The following GPKOW variants were observed in gnomAD, a reference collection of about 807,000 sequenced individuals.
The protein encoded by GPKOW is G-patch domain and KOW motifs, also known as G-patch domain and KOW motifs-containing protein.
For missense variants in GPKOW, 359 were observed against 404.7 expected, an observed-to-expected ratio of 0.89 and a Z score of 0.97; for synonymous variants, 167 against 159.1, an observed-to-expected ratio of 1.05 and a Z score of -0.37.
chrX:49,120,759 GT>G (rs1240643645), intron 3 of GPKOW, among the ~76,000 whole-genome samples: 2 of 110,023 alleles, frequency 1.8e-5, no homozygotes, highest in Non-Finnish European at 3.8e-5. Flanking sequence ...AGTCTCCTGG[GT>G]TCAAGCGATT....
In GPKOW at chrX:49,123,618, C is replaced by T; in HGVS notation, c.105G>A (p.Ser35=). 4 of 1,209,303 alleles carry T rather than the reference C, an allele frequency of 3.3e-6. No individual in the cohort carries two copies. The highest frequency in any genetic ancestry group is 4.5e-6 in the Non-Finnish European group (4 of 894,175). The change falls in exon 1 of 11, where the codon TCG becomes TCA. Residue 35 remains serine, a synonymous_variant. Transcript: ENST00000156109. ...RTSARRRLAD[S]GDGAGPSPEE... ...CCGGAGATGGCCCCGCGCCGTCTCC[C>T]GAGTCGGCCAGCCGCCTCCGTGCGG...
At chrX:49,122,581 CTTCTTCCTT>C (rs782436138) in intron 2 of GPKOW, 32 bp downstream of exon 2, 23 of 1,206,077 alleles carry the variant, frequency 1.9e-5, no homozygotes, top group Non-Finnish European at 2.5e-5. Context: ...CCTTCTTCCT[CTTCTTCCTT>C]CAATGGGGAA....
In GPKOW at chrX:49,123,624, G is replaced by T; in HGVS notation, c.99C>A (p.Ala33=). ...FTRTSARRRL[A]DSGDGAGPSP... is the part of the protein sequence containing the mutation. ...ATGGCCCCGCGCCGTCTCCCGAGTC[G>T]GCCAGCCGCCTCCGTGCGGACGTGC... The change falls in exon 1 of 11, where the codon GCC becomes GCA. Residue 33 remains alanine, a synonymous_variant. Coordinates refer to ENST00000156109, the MANE Select transcript of GPKOW (RefSeq NM_015698.6). 8.3e-7 allele frequency: 1 copy of T among 1,209,379 alleles called. No individual in the cohort carries two copies. The highest frequency in any genetic ancestry group is 1.1e-6 in the Non-Finnish European group (1 of 894,254).
At position 49,117,747 on chromosome X, in the gene GPKOW, G is replaced by C; in HGVS notation, c.630C>G (p.Thr210=). ...CAGTGGGGGTCAAGGCCTGGGCCTC[G>C]GTCAGGTTGGCACCCAGCCCTAACC... ...PKGLGLGANL[T]EAQALTPTGP... The change falls in exon 5 of 11, where the codon ACC becomes ACG. Residue 210 remains threonine (T), a synonymous_variant. Transcript: ENST00000156109. The C allele has an allele frequency of 8.3e-7, 1 of 1,209,380 alleles. No individual in the cohort carries two copies. Among genetic ancestry groups the C allele is most frequent in the Non-Finnish European group, 1.1e-6 (1 of 893,763 alleles).
chrX:49,113,992 C>T (rs1289052319), intron 9 of GPKOW, 54 bp from the exon 10 acceptor site: 4 of 884,327 alleles, frequency 4.5e-6, no homozygotes, highest in African/African-American at 1.9e-5. Context: ...GCCCAACCAG[C>T]GTCCTGTCAG....
chrX:49,114,487 C>T (rs1418510899), intron 9 of GPKOW, among the ~76,000 whole-genome samples: 2 of 106,997 alleles, frequency 1.9e-5, no homozygotes, highest in African/African-American at 6.8e-5. Context: ...TGCCTGCAGT[C>T]CCAGCTACTC....
At chrX:49,120,352 T>C (rs1338923884) in intron 3 of GPKOW, among the ~76,000 whole-genome samples, 1 of 111,316 alleles carries the variant, frequency 9.0e-6, no homozygotes, top group Non-Finnish European at 1.9e-5. Context: ...AGGGGTATCA[T>C]GAAAGTCACC....
intron 4 of GPKOW, among the ~76,000 whole-genome samples, chrX:49,118,123 G>A (rs1557090567): frequency 9.1e-6 from 1 of 109,598 alleles, no homozygotes; most frequent in African/African-American, 3.3e-5. Flanking sequence ...GTTTCACCAT[G>A]TTGGTCAGGC....
chrX:49,123,524 G>A, intron 1 of GPKOW, 23 bp downstream of exon 1: 1 of 1,180,919 alleles, frequency 8.5e-7, no homozygotes, highest in South Asian at 1.8e-5. Flanking sequence ...GATTTCCAAG[G>A]GGTGAAAGAC....
intron 4 of GPKOW, among the ~76,000 whole-genome samples, chrX:49,118,066 G>A (rs2065200324): frequency 1.8e-5 from 2 of 109,624 alleles, no homozygotes; most frequent in Non-Finnish European, 3.8e-5. Context: ...GGTTACAGGC[G>A]CATGCCACCA....
chrX:49,119,655 A>T (rs782265733), intron 4 of GPKOW, 50 bp downstream of exon 4: 45 of 778,135 alleles, frequency 5.8e-5, no homozygotes, highest in Admixed American at 8.2e-5. Flanking sequence ...GGGGATCTTG[A>T]TTGCAGCCTG....
At chrX:49,116,051 A>G in intron 7 of GPKOW, 37 bp from the exon 8 acceptor site, 1 of 1,207,122 alleles carries the variant, frequency 8.3e-7, no homozygotes, top group Non-Finnish European at 1.1e-6. Context: ...TTAGCTCTTC[A>G]TCAGATGCAC....
Position 49,123,631 on chromosome X carries a change from C to T in GPKOW, c.92G>A (p.Arg31Gln). ...FGFTRTSARR[R>Q]LADSGDGAGP... ...CGCGCCGTCTCCCGAGTCGGCCAGC[C>T]GCCTCCGTGCGGACGTGCGAGTGAA... is the stretch of plus-strand genomic sequence containing the variant. Residue 31 changes from arginine (R) to glutamine (Q), a missense_variant, in exon 1 of 11, where the codon CGG (arginine) becomes CAG (glutamine). Transcript: ENST00000156109. The T allele has an allele frequency of 2.5e-6, 3 of 1,209,495 alleles. No homozygotes were observed. The highest frequency in any genetic ancestry group is 3.4e-6 in the Non-Finnish European group (3 of 894,227).
chrX:49,114,622 A>G (rs1292526945), intron 9 of GPKOW, among the ~76,000 whole-genome samples: 5 of 103,764 alleles, frequency 4.8e-5, no homozygotes, highest in Non-Finnish European at 9.8e-5. Context: ...AAAAAAGAAA[A>G]AAAAAAAAAA....
chrX:49,119,296 A>T (rs782769325), intron 4 of GPKOW, among the ~76,000 whole-genome samples: 12 of 109,965 alleles, frequency 1.1e-4, no homozygotes, highest in African/African-American at 4.0e-4. Flanking sequence ...TTTTGTAGAG[A>T]TGGGGCCTCC....
At chrX:49,119,653 T>C in intron 4 of GPKOW, 52 bp downstream of exon 4, 1 of 768,470 alleles carries the variant, frequency 1.3e-6, no homozygotes, top group South Asian at 2.4e-5. Context: ...CTGGGGATCT[T>C]GATTGCAGCC....
intron 3 of GPKOW, among the ~76,000 whole-genome samples, chrX:49,121,544 C>T (rs2065213073): frequency 9.0e-6 from 1 of 111,210 alleles, no homozygotes; most frequent in African/African-American, 3.3e-5. Context: ...AAGAACTAGA[C>T]TCAAAAGAAG....
intron 6 of GPKOW, 128 bp downstream of exon 6, chrX:49,116,902 G>T: frequency 1.9e-6 from 1 of 521,719 alleles, no homozygotes. Context: ...CCTCTGATTG[G>T]AAGTCATATC....
intron 9 of GPKOW, 149 bp from the exon 10 acceptor site, chrX:49,114,087 C>T: frequency 2.2e-6 from 1 of 447,702 alleles, no homozygotes; most frequent in Non-Finnish European, 3.9e-6. Flanking sequence ...CGCTTGAGCC[C>T]AGGAGTTCGA....
Sources: gnomAD v4.1 joint callset for allele counts (sites outside exome capture counted in the v4.1 genomes callset) on GRCh38, gnomAD v4.1.1 for gene constraint, MANE v1.5 for transcripts, NCBI Gene and HGNC (gene_info 2026-07-23, HGNC 2026-07-21) for gene names.